Variants in DCTN4 observed in about 807,000 individuals in gnomAD.
DCTN4 encodes the protein dynactin subunit 4.
Under a neutral mutation model 62.7 loss-of-function variants are expected in DCTN4, and 23 were observed. The observed-to-expected ratio is 0.37, with a 90% CI of 0.26 to 0.52. The LOEUF is 0.52. Among genes scored for constraint, DCTN4 ranks in the 20% least tolerant of loss-of-function variants. DCTN4 has a pLI of 0.92. For missense variants in DCTN4, 514 were observed against 580.4 expected (o/e 0.89, Z 1.18); for synonymous variants, 199 against 202.1 (o/e 0.98, Z 0.13).
chr5:150,731,357 T>C (rs1436013239), intron 6 of DCTN4, 59 bp downstream of exon 6: 3 of 1,387,248 alleles, frequency 2.2e-6, no homozygotes, highest in African/African-American at 2.9e-5. Flanking sequence ...ATCTCATTTA[T>C]TTGATATTCA....
intron 8 of DCTN4, among the ~76,000 whole-genome samples, chr5:150,725,329 T>C (rs1760104468): frequency 6.6e-6 from 1 of 151,854 alleles, no homozygotes. Flanking sequence ...ACTTTACTTT[T>C]GGTAGGTATT....
intron 8 of DCTN4, among the ~76,000 whole-genome samples, chr5:150,723,898 T>C (rs1214666321): frequency 2.6e-5 from 4 of 152,354 alleles, no homozygotes; most frequent in South Asian, 2.1e-4. Context: ...TCAGTACATA[T>C]AGAGAGGCCT....
rs762124472 is a variant in DCTN4 at position 150,729,042 on chromosome 5, C to CCTTTTTTTTTTTTTTT, written c.834+1588_834+1589insAAAAAAAAAAAAAAAG. ...ACAAGTGTGTGAACCACCACACTGG[C>CCTTTTTTTTTTTTTTT]TTTTTTTTTTTTTTTTTTTTTTTTT... is the stretch of plus-strand genomic sequence containing the variant. On this transcript the variant is annotated intron_variant, in intron 8 of 12. Coordinates refer to ENST00000447998, the MANE Select transcript of DCTN4 (RefSeq NM_016221.4). 2.1e-4 allele frequency among the ~76,000 whole-genome samples: 11 copies of CCTTTTTTTTTTTTTTT among 52,150 alleles called. 2 individuals carry two copies. Among genetic ancestry groups the CCTTTTTTTTTTTTTTT allele is most frequent in the African/African-American group, 5.3e-4 (7 of 13,136 alleles). The allele number at this position is 52,150 out of a possible 152,430, so 34.2% of individuals were successfully genotyped here.
chr5:150,725,975 TCA>T (rs1466149477), intron 8 of DCTN4, among the ~76,000 whole-genome samples: 3 of 152,156 alleles, frequency 2.0e-5, no homozygotes, highest in African/African-American at 7.2e-5. Flanking sequence ...CAATCTTGGC[TCA>T]CTGCAACCTC....
chr5:150,722,638 T>C (rs1445632127), intron 9 of DCTN4, among the ~76,000 whole-genome samples: 1 of 152,202 alleles, frequency 6.6e-6, no homozygotes, highest in African/African-American at 2.4e-5. Flanking sequence ...TGATGACTAG[T>C]GACTTTCCAC....
At chr5:150,743,360 T>C (rs1760840590) in intron 3 of DCTN4, among the ~76,000 whole-genome samples, 1 of 152,122 alleles carries the variant, frequency 6.6e-6, no homozygotes, top group Non-Finnish European at 1.5e-5. Flanking sequence ...AGGCTCCACC[T>C]CTCGGGGCAG....
chr5:150,758,210 G>A (rs904045219), intron 1 of DCTN4: 31 of 985,468 alleles, frequency 3.1e-5, no homozygotes, highest in Non-Finnish European at 3.3e-5. Flanking sequence ...ACTGGCCGGG[G>A]TCTTCTTTTT....
Position 150,708,487 on chromosome 5 carries a change from T to A in DCTN4, c.*2662A>T, listed in dbSNP as rs1759452320. ...TTGTAAAGGATATCTTTAGAAGCAA[T>A]GACCCAGGATAAAAACTGGTAGAGG... On this transcript the variant is annotated 3_prime_UTR_variant, in exon 13 of 13. Transcript: ENST00000447998. 1 of 152,260 alleles carries A rather than the reference T, an allele frequency of 6.6e-6. No individual in the cohort carries two copies. Among genetic ancestry groups the A allele is most frequent in the Non-Finnish European group, 1.5e-5 (1 of 68,036 alleles). 9.4% of individuals were successfully genotyped at this position (152,260 alleles called of 1,614,324 possible). A position where few individuals can be genotyped will look rare whatever the true frequency, so the allele number is the denominator to read the frequency against.
At chr5:150,745,406 C>T (rs1377239173) in intron 3 of DCTN4, among the ~76,000 whole-genome samples, 3 of 151,866 alleles carry the variant, frequency 2.0e-5, no homozygotes, top group East Asian at 3.9e-4. Context: ...AACAAGGATA[C>T]CCAGGAATTG....
At chr5:150,717,240 CTTTAACATTTAGT>C (rs1010448112) in intron 11 of DCTN4, among the ~76,000 whole-genome samples, 20 of 152,208 alleles carry the variant, frequency 1.3e-4, no homozygotes, top group African/African-American at 4.8e-4. Context: ...AAATCACCTA[CTTTAACATTTAGT>C]TATTTTGTTT....
chr5:150,753,398 G>A (rs1000808401), intron 3 of DCTN4, 81 bp downstream of exon 3: 17 of 1,307,894 alleles, frequency 1.3e-5, no homozygotes, highest in Middle Eastern at 2.0e-4. Context: ...TCGCCCCAAC[G>A]GGTTACAGAA....
chr5:150,745,961 T>C (rs866847420), intron 3 of DCTN4, among the ~76,000 whole-genome samples: 1,647 of 150,564 alleles, frequency 0.011, 27 homozygotes, highest in African/African-American at 0.036. Context: ...CTGAAGGAAA[T>C]AGAGACACAA....
At chr5:150,733,893 T>C (rs1030471809) in intron 4 of DCTN4, 1 of 154,998 alleles carries the variant, frequency 6.5e-6, no homozygotes, top group Non-Finnish European at 1.4e-5. Context: ...ATATTAATCA[T>C]AAAAAGTTCA....
intron 1 of DCTN4, 128 bp from the exon 2 acceptor site, chr5:150,756,615 G>C (rs1423261746): frequency 4.5e-6 from 2 of 447,492 alleles, no homozygotes; most frequent in East Asian, 7.4e-5. Context: ...TTTCTGCTTA[G>C]GGTTTATTCT....
chr5:150,713,440 CTTTTCTTTTTTTTTTT>C (rs1561686347), intron 12 of DCTN4, among the ~76,000 whole-genome samples: 1 of 148,098 alleles, frequency 6.8e-6, no homozygotes, highest in Non-Finnish European at 1.5e-5. Context: ...TTTTTCTTTT[CTTTTCTTTTTTTTTTT>C]TTTTTGAGAC....
Position 150,711,054 on chromosome 5 carries a change from G to A in DCTN4, c.*95C>T, listed in dbSNP as rs536764862. ...GAATTCCGTAGTGCATGGGTACATC[G>A]TTATAAACAAGGCCTAATGAAGCAG... On this transcript the variant is annotated 3_prime_UTR_variant, in exon 13 of 13. Coordinates refer to ENST00000447998, the MANE Select transcript of DCTN4 (RefSeq NM_016221.4). 18 of 1,205,670 alleles carry A rather than the reference G, an allele frequency of 1.5e-5. No individual in the cohort carries two copies. The East Asian group carries it at 2.2e-4, about 15-fold the overall frequency. 74.7% of individuals were successfully genotyped at this position (1,205,670 alleles called of 1,614,324 possible).
chr5:150,746,754 A>T (rs949340240), intron 3 of DCTN4, among the ~76,000 whole-genome samples: 9 of 152,194 alleles, frequency 5.9e-5, no homozygotes, highest in Non-Finnish European at 1.0e-4. Context: ...CATGCTAAAA[A>T]CTCTCAATAA....
At chr5:150,712,229 C>T (rs1759596090) in intron 12 of DCTN4, among the ~76,000 whole-genome samples, 1 of 150,566 alleles carries the variant, frequency 6.6e-6, no homozygotes, top group Non-Finnish European at 1.5e-5. Context: ...TCCTGGGTTC[C>T]AGCGATTCTC....
intron 12 of DCTN4, among the ~76,000 whole-genome samples, chr5:150,712,406 A>C (rs1759603688): frequency 6.6e-6 from 1 of 151,792 alleles, no homozygotes; most frequent in Non-Finnish European, 1.5e-5. Context: ...CTGGGATCAC[A>C]AGCATAAGCC....
Sources: allele counts gnomAD v4.1 joint callset (sites outside exome capture counted in the v4.1 genomes callset), GRCh38; gene constraint gnomAD v4.1.1; transcripts MANE v1.5; gene names NCBI Gene and HGNC (gene_info 2026-07-23, HGNC 2026-07-21).